The following TEP1 variants were observed in gnomAD, a reference collection of about 807,000 sequenced individuals.
The protein encoded by TEP1 is telomerase protein component 1.
TEP1 carries 241 observed loss-of-function variants against 306.3 expected under a neutral mutation model. The ratio of observed to expected loss-of-function variants is 0.79; its 90% confidence interval spans 0.71 to 0.88. The LOEUF (loss-of-function observed/expected upper bound fraction) is 0.88, where lower values mean the gene tolerates loss of function less well. Ranked by LOEUF, TEP1 falls within the 40% of genes least tolerant of loss-of-function variation. The probability of loss-of-function intolerance (pLI) is 0.00; values close to 1 mark genes in which losing one functional copy is unlikely to be tolerated. For synonymous variants in TEP1, 1,289 were observed against 1,305.5 expected, an observed-to-expected ratio of 0.99 and a Z score of 0.27; for missense variants, 3,051 against 3,276.1, an observed-to-expected ratio of 0.93 and a Z score of 1.68.
intron 35 of TEP1, among the ~76,000 whole-genome samples, chr14:20,379,585 C>CT (rs1885407020): frequency 1.3e-5 from 2 of 152,232 alleles, no homozygotes; most frequent in Admixed American, 1.3e-4. Context: ...CCTCCTATAG[C>CT]TGCACAACTC....
intron 43 of TEP1, 114 bp from the exon 44 acceptor site, chr14:20,374,650 C>A: frequency 1.5e-6 from 1 of 648,330 alleles, no homozygotes; most frequent in South Asian, 2.0e-5. Context: ...CTGGGTTCTC[C>A]TGGGTTCAAA....
chr14:20,411,629 G>C (rs886238916), intron 1 of TEP1, among the ~76,000 whole-genome samples: 1 of 152,038 alleles, frequency 6.6e-6, no homozygotes, highest in Non-Finnish European at 1.5e-5. Context: ...TTGCTGGTCA[G>C]CGGGATTCAG....
chr14:20,387,888 T>C lies in TEP1; in HGVS notation c.2684+17A>G, dbSNP rs751106963. ...CAGCCCCTCCCAATTCACAAAGGCA[T>C]AGAAACACAGACTGACCCTTGCTGG... On this transcript the variant is annotated intron_variant, in intron 18 of 54. Coordinates refer to ENST00000262715, the MANE Select transcript of TEP1 (RefSeq NM_007110.5). The C allele has an allele frequency of 6.3e-7, 1 of 1,583,128 alleles. No homozygotes were observed. Among genetic ancestry groups the C allele is most frequent in the Non-Finnish European group, 8.5e-7 (1 of 1,169,872 alleles).
At chr14:20,410,731 T>C (rs61996771) in intron 1 of TEP1, among the ~76,000 whole-genome samples, 16,586 of 146,214 alleles carry the variant, frequency 0.11, 983 homozygotes, top group Admixed American at 0.14. Flanking sequence ...TGAGCCACTG[T>C]GCCTGGCGGA....
chr14:20,378,350 T>TC, intron 38 of TEP1, 30 bp downstream of exon 38: 1 of 1,613,508 alleles, frequency 6.2e-7, no homozygotes, highest in Non-Finnish European at 8.5e-7. Context: ...CTCCTGTGCT[T>TC]CCCCCAAGAG....
intron 5 of TEP1, 139 bp downstream of exon 5, chr14:20,404,472 A>T: frequency 9.4e-7 from 1 of 1,065,170 alleles, no homozygotes; most frequent in Non-Finnish European, 1.3e-6. Flanking sequence ...TAGTGGAGGG[A>T]GAAGCTGTCC....
At chr14:20,373,222 T>C in intron 47 of TEP1, 48 bp downstream of exon 47, 1 of 1,611,280 alleles carries the variant, frequency 6.2e-7, no homozygotes, top group Non-Finnish European at 8.5e-7. Flanking sequence ...ACCCTTGACC[T>C]TTTTTTGTGC....
intron 27 of TEP1, 139 bp from the exon 28 acceptor site, chr14:20,382,854 G>T (rs1020669371): frequency 2.5e-6 from 2 of 796,160 alleles, no homozygotes; most frequent in African/African-American, 3.4e-5. Flanking sequence ...ATCATCCCAG[G>T]ACACAAACCA....
rs1235759426 is a variant in TEP1, at chr14:20,366,019, T to C, written c.*2418A>G. ...CATTTAAAGATAAGAACTTGAAGGA[T>C]GTTTAATGTAAACCTAAATTGATTT... On this transcript the variant is annotated 3_prime_UTR_variant, in exon 55 of 55. Coordinates refer to ENST00000262715, the MANE Select transcript of TEP1 (RefSeq NM_007110.5). The C allele has an allele frequency of 6.6e-6, 1 of 152,258 alleles. No homozygotes were observed. The highest frequency in any genetic ancestry group is 1.5e-5 in the Non-Finnish European group (1 of 68,038). The allele number at this position is 152,258 out of a possible 1,614,324, so 9.4% of individuals were successfully genotyped here.
chr14:20,380,596 T>C (rs1885476721), intron 33 of TEP1, 121 bp from the exon 34 acceptor site: 2 of 1,391,444 alleles, frequency 1.4e-6, no homozygotes, highest in Admixed American at 2.8e-5. Context: ...TCTGGCCCTA[T>C]ATCAGGAATA....
intron 41 of TEP1, 99 bp downstream of exon 41, chr14:20,377,181 C>G: frequency 1.9e-6 from 2 of 1,058,860 alleles, no homozygotes; most frequent in Non-Finnish European, 2.7e-6. Flanking sequence ...TACCACTGCA[C>G]TCTAGCCTGG....
chr14:20,410,750 T>G (rs1001193823), intron 1 of TEP1, among the ~76,000 whole-genome samples: 2 of 151,016 alleles, frequency 1.3e-5, no homozygotes, highest in African/African-American at 4.9e-5. Context: ...GACTCCTTTT[T>G]TTTTAAGCAT....
rs775624381 is a variant in TEP1 at position 20,377,390 on chromosome 14, T to G, written c.5978A>C (p.Gln1993Pro). ...LVSGAEDGSL[Q>P]GWALKECSLQ... ...GGAGCATTCCTTGAGTGCCCAGCCC[T>G]GCAAGGACCCATCTTCTGCACCACT... The change falls in exon 41 of 55, where the codon CAG (glutamine) becomes CCG (proline). Residue 1993 changes from glutamine to proline, a missense_variant. This residue lies in a region of TEP1 where 1,540 missense variants were observed against 1,705.9 expected (regional missense o/e 0.90). Coordinates refer to ENST00000262715, the MANE Select transcript of TEP1 (RefSeq NM_007110.5). The G allele has an allele frequency of 1.1e-5, 18 of 1,614,092 alleles. No individual in the cohort carries two copies. Among genetic ancestry groups the G allele is most frequent in the Non-Finnish European group, 1.4e-5 (17 of 1,179,996 alleles).
Position 20,381,854 on chromosome 14 carries a change from C to A in TEP1, c.4424+59G>T. 1 of 1,594,608 alleles carries A rather than the reference C, an allele frequency of 6.3e-7. No individual in the cohort carries two copies. The highest frequency in any genetic ancestry group is 8.5e-7 in the Non-Finnish European group (1 of 1,171,110). ...GTTGTTGAAGCTATACAGAGGGCCC[C>A]GGCTCAAAGAAGGGAAGGCACAGAG... On this transcript the variant is annotated intron_variant, in intron 30 of 54. Transcript: ENST00000262715. This position sits in a 1 kb window ranked among gnomAD's most constrained non-coding sequence, Gnocchi z 4.0.
In TEP1 at chr14:20,381,237, G is replaced by GGTAAC. The variant is rs1199904284; in HGVS notation, c.4647+71_4647+75dup. The GGTAAC allele has an allele frequency of 1.4e-6, 2 of 1,450,686 alleles. No individual in the cohort carries two copies. The highest frequency in any genetic ancestry group is 2.8e-5 in the African/African-American group (2 of 71,470). The allele number at this position is 1,450,686 out of a possible 1,614,324, so 89.9% of individuals were successfully genotyped here. A position where few individuals can be genotyped will look rare whatever the true frequency, so the allele number is the denominator to read the frequency against. On this transcript the variant is annotated intron_variant, in intron 32 of 54. Transcript: ENST00000262715. The surrounding 1 kb of genome is among the most constrained non-coding windows in gnomAD (Gnocchi z 4.0). ...TAATGGCGGCGGTGATGGTGGAGAT[G>GGTAAC]GTAACGGGGAGAGGGGTCTCAGAGC...
At chr14:20,398,492 A>G (rs2139154895) in intron 9 of TEP1, among the ~76,000 whole-genome samples, 1 of 148,584 alleles carries the variant, frequency 6.7e-6, no homozygotes, top group Non-Finnish European at 1.5e-5. Context: ...GTCAAATTAT[A>G]TAGAAACCAA....
Position 20,376,114 on chromosome 14 carries a change from C to G in TEP1, c.6239G>C (p.Gly2080Ala), listed in dbSNP as rs147792517. ...CCTTCTGCAGCTCACCCGATCCCGG[C>G]CCCCGGTGGCCAGGCTGCCTCCATC... ...STDGGSLATG[G>A]RDRSLLCWDV... Residue 2080 changes from glycine to alanine, a missense_variant, in exon 42 of 55, where the codon GGC (glycine) becomes GCC (alanine). Gly to Ala is a moderately conservative substitution (Grantham distance 60, BLOSUM62 0). Coordinates refer to ENST00000262715, the MANE Select transcript of TEP1 (RefSeq NM_007110.5). 5 of 1,613,418 alleles carry G rather than the reference C, an allele frequency of 3.1e-6. No homozygotes were observed. In the African/African-American group the frequency reaches 6.7e-5, roughly 22 times the overall value.
chr14:20,403,718 C>T lies in TEP1; in HGVS notation c.1194+5G>A. 1 of 1,613,398 alleles carries T rather than the reference C, an allele frequency of 6.2e-7. No individual in the cohort carries two copies. The highest frequency in any genetic ancestry group is 8.5e-7 in the Non-Finnish European group (1 of 1,179,998). Reference sequence around the variant, plus strand: ...CGTGGGTCGAGGGCTGGGGCAGTGACTGACTGGAGAGCGGGGTGGCCGGCG... The same window carrying T: ...CGTGGGTCGAGGGCTGGGGCAGTGATTGACTGGAGAGCGGGGTGGCCGGCG... On this transcript the variant is annotated splice_donor_5th_base_variant and intron_variant, in intron 6 of 54. Coordinates refer to ENST00000262715, the MANE Select transcript of TEP1 (RefSeq NM_007110.5).
chr14:20,406,648 C>G (rs1879199951), intron 2 of TEP1, among the ~76,000 whole-genome samples: 1 of 152,228 alleles, frequency 6.6e-6, no homozygotes, highest in African/African-American at 2.4e-5. Context: ...CTGCTTTCAT[C>G]TCTTCATTGG....
Sources: gnomAD v4.1 joint callset for allele counts (sites outside exome capture counted in the v4.1 genomes callset) on GRCh38, gnomAD v4.1.1 for gene constraint, gnomAD v4.1.1 regional missense constraint, Gnocchi (gnomAD v3.1) non-coding constraint, MANE v1.5 for transcripts, NCBI Gene and HGNC (gene_info 2026-07-23, HGNC 2026-07-21) for gene names.